TMEM132C: variants seen among roughly 807,000 people sequenced by gnomAD.
TMEM132C encodes protein phosphatase 1, regulatory subunit 152.
A neutral mutation model predicts 61.4 loss-of-function variants in TMEM132C; 29 were observed. The observed-to-expected ratio is 0.47, with a 90% confidence interval of 0.35 to 0.64. The LOEUF (loss-of-function observed/expected upper bound fraction) is 0.64, where lower values mean the gene tolerates loss of function less well. Among genes scored for constraint, TMEM132C ranks in the 30% least tolerant of loss-of-function variants. The probability of loss-of-function intolerance (pLI) is 0.00; values close to 1 mark genes in which losing one functional copy is unlikely to be tolerated. For synonymous variants in TMEM132C, 656 were observed against 633.1 expected, an observed-to-expected ratio of 1.04 and a Z score of -0.54; for missense variants, 1,408 against 1,476.9, an observed-to-expected ratio of 0.95 and a Z score of 0.76.
chr12:128,298,545 A>G (rs1436613808), intron 1 of TMEM132C, among the ~76,000 whole-genome samples: 4 of 152,186 alleles, frequency 2.6e-5, no homozygotes, highest in Non-Finnish European at 4.4e-5. Flanking sequence ...ACTCACAGCC[A>G]GGAAACCAGC....
At chr12:128,693,483 T>C (rs1954734380) in intron 5 of TMEM132C, among the ~76,000 whole-genome samples, 1 of 152,296 alleles carries the variant, frequency 6.6e-6, no homozygotes, top group South Asian at 2.1e-4. Flanking sequence ...GAATAAGAAA[T>C]GGTAGCTAAA....
intron 1 of TMEM132C, among the ~76,000 whole-genome samples, chr12:128,303,799 G>A (rs1263419763): frequency 6.6e-6 from 1 of 152,140 alleles, no homozygotes; most frequent in Non-Finnish European, 1.5e-5. Flanking sequence ...AGTAGGATGA[G>A]TTAGAAGTGG....
chr12:128,582,719 T>A (rs912228767), intron 3 of TMEM132C, among the ~76,000 whole-genome samples: 1 of 152,190 alleles, frequency 6.6e-6, no homozygotes, highest in Non-Finnish European at 1.5e-5. Context: ...TTCCGAGGCC[T>A]CCCTAGCCAT....
At chr12:128,385,258 A>G (rs536259764) in intron 1 of TMEM132C, among the ~76,000 whole-genome samples, 7 of 152,306 alleles carry the variant, frequency 4.6e-5, no homozygotes, top group Admixed American at 4.6e-4. Flanking sequence ...ACAGAGCCTG[A>G]TAGGATCATT....
chr12:128,387,615 GC>G (rs1874628766), intron 1 of TMEM132C, among the ~76,000 whole-genome samples: 1 of 152,098 alleles, frequency 6.6e-6, no homozygotes, highest in African/African-American at 2.4e-5. Context: ...TTCAAGACCA[GC>G]CTGGCTGACA....
rs563705518 is a variant in TMEM132C at position 128,507,690 on chromosome 12, G to A, written c.975-36267G>A. On this transcript the variant is annotated intron_variant, in intron 2 of 8. Coordinates refer to ENST00000435159, the MANE Select transcript of TMEM132C (RefSeq NM_001136103.3). The stretch of plus-strand genomic sequence containing the variant: ...ATCGTTTAAACGTTTTATATGTTTC[G>A]AAAGGTGTGAAACCACTCTTCACTG... Among the ~76,000 whole-genome samples the A allele has an allele frequency of 2.3e-4, 35 of 152,184 alleles. No homozygotes were observed. The South Asian group carries it at 6.8e-3, about 30-fold the overall frequency.
intron 2 of TMEM132C, among the ~76,000 whole-genome samples, chr12:128,470,918 A>G (rs752775325): frequency 1.3e-5 from 2 of 152,178 alleles, no homozygotes; most frequent in African/African-American, 2.4e-5. Flanking sequence ...ATGCATTATA[A>G]TCTGCCTACC....
chr12:128,499,293 G>A (rs1872075797), intron 2 of TMEM132C, among the ~76,000 whole-genome samples: 1 of 152,082 alleles, frequency 6.6e-6, no homozygotes, highest in Admixed American at 6.5e-5. Context: ...ACGCAATAGT[G>A]TACATATTTA....
At chr12:128,274,141 T>C (rs1870607312) in intron 1 of TMEM132C, among the ~76,000 whole-genome samples, 1 of 152,164 alleles carries the variant, frequency 6.6e-6, no homozygotes, top group Non-Finnish European at 1.5e-5. Flanking sequence ...TCCAAGACAA[T>C]GGATTCCAGT....
At chr12:128,574,117 G>GCTGGGCC (rs1178184046) in intron 3 of TMEM132C, among the ~76,000 whole-genome samples, 2 of 152,180 alleles carry the variant, frequency 1.3e-5, no homozygotes, top group East Asian at 3.9e-4. Context: ...GCTCTCCACA[G>GCTGGGCC]CTGGGCCCTG....
At chr12:128,362,243 A>G (rs1288845934) in intron 1 of TMEM132C, among the ~76,000 whole-genome samples, 3 of 152,048 alleles carry the variant, frequency 2.0e-5, no homozygotes, top group Admixed American at 1.3e-4. Flanking sequence ...ACGGTGCTGG[A>G]AACTCCAAGC....
chr12:128,320,493 C>G (rs1352964028), intron 1 of TMEM132C, among the ~76,000 whole-genome samples: 17 of 152,128 alleles, frequency 1.1e-4, no homozygotes, highest in Admixed American at 1.1e-3. Flanking sequence ...TGGCCAGGTG[C>G]AAGGGCTCAT....
At position 128,436,776 on chromosome 12, in the gene TMEM132C, C is replaced by T. The variant is rs528586873; in HGVS notation, c.974+21156C>T. Among the ~76,000 whole-genome samples, 6 of 152,286 alleles carry T rather than the reference C, an allele frequency of 3.9e-5. No individual in the cohort carries two copies. In the East Asian group the frequency reaches 1.2e-3, roughly 29 times the overall value. ...ATCTAGAACTAGAAATACCATCTGACCCAGCCATCCCATTACTGGGTATAT... is the reference window on the plus strand; with the variant it reads ...ATCTAGAACTAGAAATACCATCTGATCCAGCCATCCCATTACTGGGTATAT... On this transcript the variant is annotated intron_variant, in intron 2 of 8. Transcript: ENST00000435159.
At chr12:128,293,211 CTCCTT>C (rs1871303418) in intron 1 of TMEM132C, among the ~76,000 whole-genome samples, 1 of 152,188 alleles carries the variant, frequency 6.6e-6, no homozygotes, top group African/African-American at 2.4e-5. Context: ...AGTATAAACT[CTCCTT>C]TCCAACCATT....
chr12:128,488,282 T>C (rs948470599), intron 2 of TMEM132C, among the ~76,000 whole-genome samples: 1 of 152,240 alleles, frequency 6.6e-6, no homozygotes, highest in East Asian at 1.9e-4. Context: ...GCTCTGAATG[T>C]GTACCCTGTT....
At chr12:128,547,523 C>A (rs532047092) in intron 3 of TMEM132C, among the ~76,000 whole-genome samples, 24 of 148,700 alleles carry the variant, frequency 1.6e-4, no homozygotes, top group Admixed American at 1.2e-3. Context: ...CAGATCGCAC[C>A]ACCATACTCC....
chr12:128,609,511 G>A (rs572574009), intron 3 of TMEM132C, among the ~76,000 whole-genome samples: 39 of 152,086 alleles, frequency 2.6e-4, no homozygotes, highest in African/African-American at 9.4e-4. Flanking sequence ...ACCTGCCTTG[G>A]CCTCACAAAG....
intron 7 of TMEM132C, among the ~76,000 whole-genome samples, chr12:128,696,502 T>C (rs79992003): frequency 0.016 from 2,373 of 152,336 alleles, 49 homozygotes; most frequent in East Asian, 0.098. Flanking sequence ...TCTTCTCATT[T>C]CTTCCTTCTT....
intron 2 of TMEM132C, among the ~76,000 whole-genome samples, chr12:128,498,394 G>A (rs1383739077): frequency 6.6e-6 from 1 of 152,136 alleles, no homozygotes; most frequent in African/African-American, 2.4e-5. Context: ...ACCTTAAGAA[G>A]GCTGGGTACA....
Sources: gnomAD v4.1 joint callset for allele counts (sites outside exome capture counted in the v4.1 genomes callset) on GRCh38, gnomAD v4.1.1 for gene constraint, MANE v1.5 for transcripts, NCBI Gene and HGNC (gene_info 2026-07-23, HGNC 2026-07-21) for gene names.